SBNO2: variants seen among roughly 807,000 people sequenced by gnomAD.
SBNO2 encodes the protein protein strawberry notch homolog 2.
SBNO2 carries 89 observed loss-of-function variants against 146.3 expected under a neutral mutation model. The ratio of observed to expected loss-of-function variants is 0.61; its 90% confidence interval spans 0.51 to 0.73. SBNO2 has a LOEUF of 0.73. Ranked by LOEUF, SBNO2 falls within the 30% of genes least tolerant of loss-of-function variation. SBNO2 has a pLI of 0.00. For synonymous variants in SBNO2, 1,147 were observed against 892.6 expected (o/e 1.29, Z -5.08); for missense variants, 2,092 against 2,003.7 (o/e 1.04, Z -0.84).
chr19:1,166,195 T>TC (rs879834207), intron 1 of SBNO2, among the ~76,000 whole-genome samples: 1 of 39,664 alleles, frequency 2.5e-5, no homozygotes, highest in Admixed American at 2.3e-4. Flanking sequence ...AGACTTCAGA[T>TC]CCCCGGATCC....
At position 1,111,074 on chromosome 19, in the gene SBNO2, C is replaced by G. The variant is rs377254047; in HGVS notation, c.2829G>C (p.Leu943=). 23 of 1,557,984 alleles carry G rather than the reference C, an allele frequency of 1.5e-5. No individual in the cohort carries two copies. In the African/African-American group the frequency reaches 2.6e-4, roughly 18 times the overall value. ...ACTCCCGGCCACCAATGCCCACAGA[C>G]AGCAGGCCCTGCTTCATGTCTGCGG... ...TFFRDMKQGL[L]SVGIGGRESR... Residue 943 remains leucine (L), a synonymous_variant, in exon 25 of 32, where the codon CTG becomes CTC. Coordinates refer to ENST00000361757, the MANE Select transcript of SBNO2 (RefSeq NM_014963.3).
intron 2 of SBNO2, 59 bp downstream of exon 2, chr19:1,154,125 G>C: frequency 1.2e-6 from 1 of 848,990 alleles, no homozygotes; most frequent in Non-Finnish European, 1.6e-6. Context: ...CGGGCACTCG[G>C]AGCGGGGCAA....
chr19:1,163,735 A>G (rs1426473155), intron 1 of SBNO2, among the ~76,000 whole-genome samples: 2 of 152,210 alleles, frequency 1.3e-5, no homozygotes, highest in African/African-American at 2.4e-5. Context: ...AGACCGGCCC[A>G]GCACCGCCTG....
intron 5 of SBNO2, 122 bp downstream of exon 5, chr19:1,127,482 A>C (rs763815896): frequency 1.1e-6 from 1 of 948,204 alleles, no homozygotes; most frequent in South Asian, 1.5e-5. Flanking sequence ...GCCGACAGTG[A>C]CAGGCACAGC....
rs777610239 is a variant in SBNO2, at chr19:1,147,437, G to T, written c.168-17C>A. ...ATGAACGGGCTGGAGGGAGATGGGG[G>T]GGGGGGAGGTGAGATGGGGTGCTCA... is the stretch of plus-strand genomic sequence containing the variant. On this transcript the variant is annotated splice_polypyrimidine_tract_variant and intron_variant, in intron 3 of 31. Coordinates refer to ENST00000361757, the MANE Select transcript of SBNO2 (RefSeq NM_014963.3). 40 of 1,304,818 alleles carry T rather than the reference G, an allele frequency of 3.1e-5. 2 individuals are homozygous for T. Among genetic ancestry groups the T allele is most frequent in the African/African-American group, 7.8e-5 (5 of 64,490 alleles). 80.8% of individuals were successfully genotyped at this position (1,304,818 alleles called of 1,614,324 possible).
In SBNO2 at chr19:1,110,657, C is replaced by T. The variant is rs145346898; in HGVS notation, c.3028+88G>A. 62,960 of 1,460,436 alleles carry T rather than the reference C, an allele frequency of 0.043. 1,597 individuals are homozygous for T. Among genetic ancestry groups the T allele is most frequent in the Non-Finnish European group, 0.049 (53,195 of 1,088,432 alleles). 90.5% of individuals were successfully genotyped at this position (1,460,436 alleles called of 1,614,324 possible). On this transcript the variant is annotated intron_variant, in intron 26 of 31. Coordinates refer to ENST00000361757, the MANE Select transcript of SBNO2 (RefSeq NM_014963.3). The surrounding 1 kb of genome is among the most constrained non-coding windows in gnomAD (Gnocchi z 4.9). Reference sequence around the variant, plus strand: ...CCACCCGGGATGCCCGGTGTTCCCACGAGCCCCGAGCCCACCCAGGATGCA... The same window carrying T: ...CCACCCGGGATGCCCGGTGTTCCCATGAGCCCCGAGCCCACCCAGGATGCA...
rs1382460694 is a variant in SBNO2 at position 1,166,153 on chromosome 19, C to T, written c.-127+8019G>A. ...GACTTCAGATCCCCAGACCCCAGATCCCAGACTTCAGATCCCCAGACCCCA... is the reference window on the plus strand; with the variant it reads ...GACTTCAGATCCCCAGACCCCAGATTCCAGACTTCAGATCCCCAGACCCCA... On this transcript the variant is annotated intron_variant, in intron 1 of 31. Transcript: ENST00000361757. 4.7e-5 allele frequency among the ~76,000 whole-genome samples: 7 copies of T among 149,348 alleles called. 1 individual carries two copies. Among genetic ancestry groups the T allele is most frequent in the Admixed American group, 3.3e-4 (5 of 14,954 alleles).
intron 4 of SBNO2, chr19:1,132,291 C>CTA (rs2080039615): frequency 7.6e-7 from 1 of 1,312,612 alleles, no homozygotes; most frequent in Non-Finnish European, 9.7e-7. Context: ...GTCACCGCCG[C>CTA]CGGCGCCTAC....
chr19:1,152,599 G>A (rs1233973574), intron 2 of SBNO2, among the ~76,000 whole-genome samples: 2 of 151,034 alleles, frequency 1.3e-5, no homozygotes, highest in African/African-American at 4.8e-5. Context: ...TAGGGAGGGG[G>A]ACAGGAGGGG....
At chr19:1,163,186 T>C (rs1051676180) in intron 1 of SBNO2, among the ~76,000 whole-genome samples, 8 of 152,078 alleles carry the variant, frequency 5.3e-5, no homozygotes, top group African/African-American at 1.9e-4. Flanking sequence ...GCACACGTGG[T>C]TGGTTACAAT....
chr19:1,125,977 G>A (rs2079961219), intron 5 of SBNO2, among the ~76,000 whole-genome samples: 1 of 152,218 alleles, frequency 6.6e-6, no homozygotes, highest in African/African-American at 2.4e-5. Context: ...CTGGGCGACA[G>A]AGTGAGATCC....
At chr19:1,145,194 C>T (rs1474239912) in intron 4 of SBNO2, among the ~76,000 whole-genome samples, 3 of 151,200 alleles carry the variant, frequency 2.0e-5, no homozygotes, top group South Asian at 2.1e-4. Context: ...AGGCCGGGCA[C>T]GGTGGCTCAC....
chr19:1,174,001 A>C (rs1599896822), intron 1 of SBNO2, among the ~76,000 whole-genome samples, 171 bp downstream of exon 1: 1 of 133,696 alleles, frequency 7.5e-6, no homozygotes, highest in African/African-American at 2.8e-5. Context: ...CGGGGTCGGA[A>C]GGGGTCGCGG....
At chr19:1,172,505 G>A (rs2080487542) in intron 1 of SBNO2, among the ~76,000 whole-genome samples, 1 of 152,158 alleles carries the variant, frequency 6.6e-6, no homozygotes, top group African/African-American at 2.4e-5. Context: ...AACTCTCTGG[G>A]TCCCATGTCC....
Position 1,134,755 on chromosome 19 carries a change from G to C in SBNO2, c.280-6990C>G, listed in dbSNP as rs773501823. On this transcript the variant is annotated intron_variant, in intron 4 of 31. Coordinates refer to ENST00000361757, the MANE Select transcript of SBNO2 (RefSeq NM_014963.3). ...AACTCTGTGAATATACTTTTTTAAA[G>C]TGTGGATTTGGGCCCGGCACGGTGG... Among the ~76,000 whole-genome samples, 28 of 152,214 alleles carry C rather than the reference G, an allele frequency of 1.8e-4. No individual in the cohort carries two copies. In the Middle Eastern group the frequency reaches 0.017, roughly 92 times the overall value.
At chr19:1,119,426 C>G in intron 13 of SBNO2, 90 bp downstream of exon 13, 1 of 1,064,960 alleles carries the variant, frequency 9.4e-7, no homozygotes, top group Non-Finnish European at 1.4e-6. Context: ...TGGGGAAGCA[C>G]ACGTGGCAGT....
chr19:1,114,206 C>A, intron 18 of SBNO2, 25 bp downstream of exon 18: 1 of 1,422,994 alleles, frequency 7.0e-7, no homozygotes, highest in Non-Finnish European at 9.3e-7. Flanking sequence ...CCACAGGTGG[C>A]TGGCCAGCCT....
At position 1,112,245 on chromosome 19, in the gene SBNO2, C is replaced by G. The variant is rs1188131679; in HGVS notation, c.2572G>C (p.Glu858Gln). 6.3e-7 allele frequency: 1 copy of G among 1,592,636 alleles called. No homozygotes were observed. Among genetic ancestry groups the G allele is most frequent in the Non-Finnish European group, 8.5e-7 (1 of 1,170,224 alleles). ...SAPEYVFLIS[E>Q]LAGERRFASI... ...GCGAACCGGCGCTCCCCGGCCAGCT[C>G]CGAGATGAGGAAGACATACTCTGGC... is the stretch of plus-strand genomic sequence containing the variant. Residue 858 changes from glutamate to glutamine, a missense_variant, in exon 22 of 32, where the codon GAG becomes CAG. Coordinates refer to ENST00000361757, the MANE Select transcript of SBNO2 (RefSeq NM_014963.3). This position sits in a 1 kb window ranked among gnomAD's most constrained non-coding sequence, Gnocchi z 5.9.
chr19:1,108,843 G>C lies in SBNO2; in HGVS notation c.3552C>G (p.Asp1184Glu). Residue 1184 changes from aspartate to glutamate, a missense_variant, in exon 31 of 32, where the codon GAC becomes GAG. By Grantham distance (45) the Asp-to-Glu change is conservative. Coordinates refer to ENST00000361757, the MANE Select transcript of SBNO2 (RefSeq NM_014963.3). ...TCTGCAGGTAGCTGCTGCTGCTGAC[G>C]TCGGCCATGACGGCGGCGATGCGGC... is the stretch of plus-strand genomic sequence containing the variant. ...VWGRIAAVMADVSSSSYLQIV... is the reference protein window; with the variant it reads ...VWGRIAAVMAEVSSSSYLQIV... 3 of 1,600,126 alleles carry C rather than the reference G, an allele frequency of 1.9e-6. No individual in the cohort carries two copies. The South Asian group carries it at 3.3e-5, about 18-fold the overall frequency.
Sources: allele counts gnomAD v4.1 joint callset (sites outside exome capture counted in the v4.1 genomes callset), GRCh38; gene constraint gnomAD v4.1.1; non-coding constraint Gnocchi (gnomAD v3.1); transcripts MANE v1.5; gene names NCBI Gene and HGNC (gene_info 2026-07-23, HGNC 2026-07-21).